Variants in JCAD observed in about 807,000 individuals in gnomAD.
JCAD encodes the protein junctional cadherin 5-associated protein.
JCAD carries 40 observed loss-of-function variants against 98.0 expected under a neutral mutation model. The ratio of observed to expected loss-of-function variants is 0.41; its 90% confidence interval spans 0.32 to 0.53. The LOEUF is 0.53. JCAD is among the 20% of genes least tolerant of loss of function. The pLI is 0.31. For missense variants in JCAD, 1,705 were observed against 1,738.1 expected, an observed-to-expected ratio of 0.98 and a Z score of 0.34; for synonymous variants, 691 against 682.3, an observed-to-expected ratio of 1.01 and a Z score of -0.20.
upstream of JCAD, among the ~76,000 whole-genome samples, chr10:30,063,252 A>T (rs1837729554): frequency 6.6e-6 from 1 of 151,976 alleles, no homozygotes; most frequent in African/African-American, 2.4e-5. Context: ...CCCTGGGAGC[A>T]TGTGCCAGGA....
rs1484590628 is a variant in JCAD at position 30,027,065 on chromosome 10, C to A, written c.3083G>T (p.Arg1028Met). 1.9e-6 allele frequency: 3 copies of A among 1,614,126 alleles called. No homozygotes were observed. Among genetic ancestry groups the A allele is most frequent in the Non-Finnish European group, 2.5e-6 (3 of 1,180,040 alleles). The change falls in exon 3 of 4, where the codon AGG becomes ATG. Residue 1028 changes from arginine (R) to methionine (M), a missense_variant. This residue lies in a region of JCAD where 1,278 missense variants were observed against 1,243.1 expected (regional missense o/e 1.03). Transcript: ENST00000375377. ...CAGGGACAGTGGGAGCCCTGCCCCCCTCTCTCCACCACTGTCAAACTTCCG... is the reference window on the plus strand; with the variant it reads ...CAGGGACAGTGGGAGCCCTGCCCCCATCTCTCCACCACTGTCAAACTTCCG... ...VPRKFDSGGE[R>M]GAGLPLSLSN...
At chr10:30,103,112 A>C (rs1310722906) in intron 1 of JCAD, among the ~76,000 whole-genome samples, 1 of 152,166 alleles carries the variant, frequency 6.6e-6, no homozygotes, top group East Asian at 1.9e-4. Flanking sequence ...CTCCCAGTTC[A>C]TATTGTTGCA....
At chr10:30,048,123 C>T (rs889765227) in intron 1 of JCAD, among the ~76,000 whole-genome samples, 1 of 152,162 alleles carries the variant, frequency 6.6e-6, no homozygotes, top group African/African-American at 2.4e-5. Flanking sequence ...CGATGGCTGC[C>T]TCTGGTAGAA....
chr10:30,016,713 A>G lies in JCAD; in HGVS notation c.*1170T>C, dbSNP rs1031054540. ...GGTCTCAGGGTAGATCCCCACACAC[A>G]TACAAAGATAAAACTATGTTTTTTG... On this transcript the variant is annotated 3_prime_UTR_variant, in exon 4 of 4. Coordinates refer to ENST00000375377, the MANE Select transcript of JCAD (RefSeq NM_020848.4). 2.0e-5 allele frequency: 3 copies of G among 152,180 alleles called. No individual in the cohort carries two copies. Among genetic ancestry groups the G allele is most frequent in the Non-Finnish European group, 4.4e-5 (3 of 68,028 alleles). The allele number at this position is 152,180 out of a possible 1,614,324, so 9.4% of individuals were successfully genotyped here.
intron 2 of JCAD, among the ~76,000 whole-genome samples, chr10:30,066,561 G>A (rs887454425): frequency 1.3e-5 from 2 of 152,056 alleles, no homozygotes; most frequent in Non-Finnish European, 2.9e-5. Flanking sequence ...CAGGGATCCC[G>A]CTGGTACCGG....
chr10:30,058,849 G>T (rs1291117186), intron 1 of JCAD, among the ~76,000 whole-genome samples: 1 of 152,180 alleles, frequency 6.6e-6, no homozygotes, highest in Admixed American at 6.5e-5. Context: ...GGCGGCCCCG[G>T]GCACTCGCTG....
chr10:30,095,016 G>A lies in JCAD; in HGVS notation n.128+20351C>T, dbSNP rs534105984. 4.6e-5 allele frequency among the ~76,000 whole-genome samples: 7 copies of A among 151,970 alleles called. No homozygotes were observed. In the South Asian group the frequency reaches 1.5e-3, roughly 32 times the overall value. On this transcript the variant is annotated intron_variant and non_coding_transcript_variant, in intron 1 of 2. Coordinates refer to the JCAD transcript ENST00000465712. ...GACCCAGTGATTCAGATTTCAGCCC[G>A]GGGTGGATCTTGGCCGGTGCACCTC...
chr10:30,099,472 C>T (rs1226373637), intron 1 of JCAD, among the ~76,000 whole-genome samples: 2 of 151,910 alleles, frequency 1.3e-5, no homozygotes, highest in Non-Finnish European at 2.9e-5. Context: ...ATAAATAACT[C>T]TCCTCTTTAG....
chr10:30,045,697 AG>A (rs1837321094), intron 2 of JCAD, among the ~76,000 whole-genome samples: 1 of 152,186 alleles, frequency 6.6e-6, no homozygotes, highest in African/African-American at 2.4e-5. Flanking sequence ...CCTTGACAGT[AG>A]TCGACAGAAG....
intron 1 of JCAD, among the ~76,000 whole-genome samples, chr10:30,083,151 G>T (rs1350957549): frequency 6.6e-6 from 1 of 152,054 alleles, no homozygotes; most frequent in Non-Finnish European, 1.5e-5. Context: ...CCCCATTTGT[G>T]TAATCTCTTA....
At chr10:30,019,289 G>A (rs760763624) in intron 3 of JCAD, among the ~76,000 whole-genome samples, 53 of 150,990 alleles carry the variant, frequency 3.5e-4, no homozygotes, top group Non-Finnish European at 6.0e-4. Context: ...TCCAGGAGGC[G>A]GAGGTTGCTG....
At position 30,028,878 on chromosome 10, in the gene JCAD, T is replaced by C. The variant is rs1433188331; in HGVS notation, c.1270A>G (p.Ile424Val). ...CGTAACCGTGGATCATCAAAGGGAA[T>C]GTACTGAACGAAGCCGTCATAGGCA... is the stretch of plus-strand genomic sequence containing the variant. ...VTAYDGFVQY[I>V]PFDDPRLRHF... is the part of the protein sequence containing the mutation. The change falls in exon 3 of 4, where the codon ATT becomes GTT. Residue 424 changes from isoleucine (I) to valine (V), a missense_variant. By Grantham distance (29) the Ile-to-Val change is conservative. This residue lies in a region of JCAD where 1,278 missense variants were observed against 1,243.1 expected (regional missense o/e 1.03). Coordinates refer to ENST00000375377, the MANE Select transcript of JCAD (RefSeq NM_020848.4). 1.9e-6 allele frequency: 3 copies of C among 1,614,112 alleles called. No homozygotes were observed. The highest frequency in any genetic ancestry group is 1.7e-6 in the Non-Finnish European group (2 of 1,180,018).
chr10:30,100,461 A>AACC (rs1442617906), intron 1 of JCAD, among the ~76,000 whole-genome samples: 1 of 152,134 alleles, frequency 6.6e-6, no homozygotes. Flanking sequence ...GGTTCACTGC[A>AACC]ACCTCCGCCT....
chr10:30,020,165 A>G (rs925854428), intron 3 of JCAD, among the ~76,000 whole-genome samples: 1 of 151,754 alleles, frequency 6.6e-6, no homozygotes, highest in Non-Finnish European at 1.5e-5. Flanking sequence ...CATCTCTACT[A>G]AAAATACAAA....
intron 2 of JCAD, among the ~76,000 whole-genome samples, chr10:30,066,805 G>C (rs1276588804): frequency 6.6e-6 from 1 of 152,146 alleles, no homozygotes; most frequent in Non-Finnish European, 1.5e-5. Context: ...CAGATCACTT[G>C]AGGTCAGGAG....
chr10:30,026,517 G>A lies in JCAD; in HGVS notation c.3631C>T (p.Pro1211Ser), dbSNP rs1836803628. The change falls in exon 3 of 4, where the codon CCC (proline) becomes TCC (serine). Residue 1211 changes from proline (P) to serine (S), a missense_variant. Coordinates refer to ENST00000375377, the MANE Select transcript of JCAD (RefSeq NM_020848.4). Reference protein sequence around the residue: ...FEQKDVETKPPFRSTLFHFVE... With the variant: ...FEQKDVETKPSFRSTLFHFVE... ...AAATGGAATAAAGTGGACCTGAAGG[G>A]TGGTTTTGTTTCCACATCCTTTTGT... 1 of 1,614,240 alleles carries A rather than the reference G, an allele frequency of 6.2e-7. No individual in the cohort carries two copies. The highest frequency in any genetic ancestry group is 2.2e-5 in the East Asian group (1 of 44,878).
intron 1 of JCAD, among the ~76,000 whole-genome samples, chr10:30,095,175 T>A (rs1320871647): frequency 6.6e-6 from 1 of 152,178 alleles, no homozygotes; most frequent in Non-Finnish European, 1.5e-5. Flanking sequence ...ATGCCTCTAT[T>A]TTTCTTTCCT....
chr10:30,106,110 T>C (rs1209557251), intron 1 of JCAD, among the ~76,000 whole-genome samples: 1 of 152,174 alleles, frequency 6.6e-6, no homozygotes, highest in Non-Finnish European at 1.5e-5. Flanking sequence ...GATTATGCTT[T>C]AGACATCATT....
At chr10:30,033,687 C>A (rs1837049620) in intron 2 of JCAD, among the ~76,000 whole-genome samples, 1 of 152,162 alleles carries the variant, frequency 6.6e-6, no homozygotes, top group Admixed American at 6.5e-5. Context: ...TGCTTTTCAG[C>A]TGGTGGCACA....
Sources: allele counts gnomAD v4.1 joint callset (sites outside exome capture counted in the v4.1 genomes callset), GRCh38; gene constraint gnomAD v4.1.1; regional missense constraint gnomAD v4.1.1; transcripts MANE v1.5; gene names NCBI Gene and HGNC (gene_info 2026-07-23, HGNC 2026-07-21).